The following ATP8A2 variants were observed in gnomAD, a reference collection of about 807,000 sequenced individuals.
ATP8A2 encodes the protein phospholipid-transporting ATPase IB.
A neutral mutation model predicts 165.6 loss-of-function variants in ATP8A2; 100 were observed. That is an observed-to-expected ratio of 0.60 (90% CI 0.51 to 0.71). The LOEUF is 0.71. ATP8A2 is among the 30% of genes least tolerant of loss of function. ATP8A2 has a pLI of 0.00. For synonymous variants in ATP8A2, 543 were observed against 548.8 expected (o/e 0.99, Z 0.15); for missense variants, 1,227 against 1,479.5 (o/e 0.83, Z 2.80).
intron 27 of ATP8A2, among the ~76,000 whole-genome samples, chr13:25,824,967 T>C (rs1282969727): frequency 6.6e-6 from 1 of 152,012 alleles, no homozygotes; most frequent in East Asian, 1.9e-4. Context: ...TGGCTATTTC[T>C]TGCGTTGTTT....
At chr13:25,537,085 T>C (rs117980570) in intron 6 of ATP8A2, among the ~76,000 whole-genome samples, 63 of 152,296 alleles carry the variant, frequency 4.1e-4, no homozygotes, top group Non-Finnish European at 7.8e-4. Context: ...CTGAAAGGAT[T>C]GGTAGACACT....
chr13:25,484,192 A>T (rs969882922), intron 2 of ATP8A2, among the ~76,000 whole-genome samples: 37 of 152,378 alleles, frequency 2.4e-4, no homozygotes, highest in African/African-American at 8.9e-4. Context: ...ACACAGTTGC[A>T]TATAAATTCA....
At chr13:25,604,700 A>T (rs2040472415) in intron 24 of ATP8A2, among the ~76,000 whole-genome samples, 1 of 152,210 alleles carries the variant, frequency 6.6e-6, no homozygotes, top group African/African-American at 2.4e-5. Context: ...TTTATAATCT[A>T]AGAATCTTAT....
At chr13:25,828,746 C>CT (rs1156265661) in intron 28 of ATP8A2, among the ~76,000 whole-genome samples, 2 of 152,094 alleles carry the variant, frequency 1.3e-5, no homozygotes, top group African/African-American at 4.8e-5. Context: ...TTTCAAGTTC[C>CT]TTTTTTATTA....
chr13:25,639,343 G>A (rs1212641123), intron 24 of ATP8A2, among the ~76,000 whole-genome samples: 1 of 152,184 alleles, frequency 6.6e-6, no homozygotes, highest in African/African-American at 2.4e-5. Context: ...TCAGTGTGCT[G>A]TATTCAGGAG....
intron 25 of ATP8A2, among the ~76,000 whole-genome samples, chr13:25,755,691 G>C (rs1411767601): frequency 2.6e-5 from 4 of 152,152 alleles, no homozygotes; most frequent in Non-Finnish European, 2.9e-5. Flanking sequence ...CAAATCATGA[G>C]GTCAGGAGTT....
intron 23 of ATP8A2, among the ~76,000 whole-genome samples, chr13:25,582,547 A>G (rs987933982): frequency 6.6e-6 from 1 of 152,240 alleles, no homozygotes; most frequent in African/African-American, 2.4e-5. Context: ...AAACATTTAA[A>G]CACTATCTGG....
intron 27 of ATP8A2, among the ~76,000 whole-genome samples, chr13:25,793,220 A>G (rs1251800073): frequency 6.6e-6 from 1 of 152,206 alleles, no homozygotes; most frequent in Non-Finnish European, 1.5e-5. Flanking sequence ...CGTTGCCTGC[A>G]TAAAGTGATC....
chr13:25,589,280 G>T (rs2040004964), intron 23 of ATP8A2, among the ~76,000 whole-genome samples: 1 of 152,186 alleles, frequency 6.6e-6, no homozygotes, highest in African/African-American at 2.4e-5. Context: ...CAGTGGGTGT[G>T]TGTGTGCTGA....
chr13:25,834,368 A>G (rs1951552778), intron 28 of ATP8A2, among the ~76,000 whole-genome samples: 1 of 152,228 alleles, frequency 6.6e-6, no homozygotes. Flanking sequence ...AAAATTAAAA[A>G]TGCATGTATC....
intron 35 of ATP8A2, among the ~76,000 whole-genome samples, chr13:26,001,329 C>T (rs1004172813): frequency 1.1e-4 from 16 of 152,110 alleles, no homozygotes; most frequent in Non-Finnish European, 2.2e-4. Flanking sequence ...TTGTGAATAA[C>T]GCAGCTAGGG....
At chr13:25,594,883 C>T (rs112182868) in intron 24 of ATP8A2, among the ~76,000 whole-genome samples, 2,749 of 152,096 alleles carry the variant, frequency 0.018, 90 homozygotes, top group African/African-American at 0.062. Context: ...TACTTGCACA[C>T]ACATGTTTAT....
intron 24 of ATP8A2, among the ~76,000 whole-genome samples, chr13:25,679,717 C>T (rs1287177311): frequency 1.3e-5 from 2 of 152,104 alleles, no homozygotes; most frequent in Non-Finnish European, 2.9e-5. Context: ...CAAAGGTGGT[C>T]ATTGTTAAGG....
intron 10 of ATP8A2, among the ~76,000 whole-genome samples, chr13:25,550,815 A>G (rs980186765): frequency 6.6e-6 from 1 of 152,128 alleles, no homozygotes; most frequent in Non-Finnish European, 1.5e-5. Flanking sequence ...TCTGTTTTGC[A>G]TTATTGATAT....
intron 27 of ATP8A2, among the ~76,000 whole-genome samples, chr13:25,805,600 G>T (rs953808688): frequency 2.6e-5 from 4 of 152,136 alleles, no homozygotes; most frequent in African/African-American, 9.7e-5. Flanking sequence ...TTACTCAAAA[G>T]CAGAGCTTGC....
chr13:25,728,734 T>G (rs1375412788), intron 25 of ATP8A2, among the ~76,000 whole-genome samples: 1 of 152,138 alleles, frequency 6.6e-6, no homozygotes, highest in African/African-American at 2.4e-5. Context: ...TGAACAGAAT[T>G]CACCTGTATC....
chr13:25,524,637 T>C (rs1566219258), intron 2 of ATP8A2, among the ~76,000 whole-genome samples: 1 of 152,250 alleles, frequency 6.6e-6, no homozygotes, highest in East Asian at 1.9e-4. Context: ...ATTATAAGAA[T>C]AGGTAATCCT....
chr13:25,469,218 C>T lies in ATP8A2; in HGVS notation c.221+97C>T, dbSNP rs890961067. 6.2e-6 allele frequency: 9 copies of T among 1,441,212 alleles called. No homozygotes were observed. The African/African-American group carries it at 7.0e-5, about 11-fold the overall frequency. 89.3% of individuals were successfully genotyped at this position (1,441,212 alleles called of 1,614,324 possible). On this transcript the variant is annotated intron_variant, in intron 2 of 36. Coordinates refer to ENST00000381655, the MANE Select transcript of ATP8A2 (RefSeq NM_016529.6). ...GGGGCTTGGCCGCGCACCTGGCCGG[C>T]CCCCGTCCATCTCCCCCAGAGCCTT...
At chr13:25,799,777 A>G (rs1319118422) in intron 27 of ATP8A2, among the ~76,000 whole-genome samples, 1 of 152,218 alleles carries the variant, frequency 6.6e-6, no homozygotes, top group African/African-American at 2.4e-5. Context: ...TGCTGATGGC[A>G]GATGAAGCTG....
Sources: allele counts gnomAD v4.1 joint callset (sites outside exome capture counted in the v4.1 genomes callset), GRCh38; gene constraint gnomAD v4.1.1; transcripts MANE v1.5; gene names NCBI Gene and HGNC (gene_info 2026-07-23, HGNC 2026-07-21).